AK9: variants seen among roughly 807,000 people sequenced by gnomAD.
AK9 encodes the protein adenylate kinase 9.
A neutral mutation model predicts 239.6 loss-of-function variants in AK9; 191 were observed. The ratio of observed to expected loss-of-function variants is 0.80; its 90% confidence interval spans 0.71 to 0.90. The LOEUF (loss-of-function observed/expected upper bound fraction) is 0.90, where lower values mean the gene tolerates loss of function less well. AK9 is among the 40% of genes least tolerant of loss of function. The pLI, the probability that AK9 is intolerant of heterozygous loss-of-function variation, is 0.00. For missense variants in AK9, 1,995 were observed against 2,214.7 expected, an observed-to-expected ratio of 0.90 and a Z score of 1.99; for synonymous variants, 689 against 721.0, an observed-to-expected ratio of 0.96 and a Z score of 0.71.
intron 1 of AK9, among the ~76,000 whole-genome samples, chr6:109,680,694 G>A (rs992817805): frequency 6.6e-6 from 1 of 152,140 alleles, no homozygotes; most frequent in African/African-American, 2.4e-5. Flanking sequence ...AATGTTAAGG[G>A]TAGCCAGAGA....
chr6:109,533,506 A>G lies in AK9; in HGVS notation c.3351-36T>C, dbSNP rs761575739. 3.3e-6 allele frequency: 5 copies of G among 1,506,528 alleles called. No homozygotes were observed. In the Admixed American group the frequency reaches 1.1e-4, roughly 32 times the overall value. The allele number at this position is 1,506,528 out of a possible 1,614,324, so 93.3% of individuals were successfully genotyped here. On this transcript the variant is annotated intron_variant, in intron 27 of 40. Coordinates refer to ENST00000424296, the MANE Select transcript of AK9 (RefSeq NM_001145128.3). ...TTTTCATAATTTACTTTATTTCATTAAAATGTTGTAATGGATGTGTTCATT... is the reference window on the plus strand; with the variant it reads ...TTTTCATAATTTACTTTATTTCATTGAAATGTTGTAATGGATGTGTTCATT...
intron 8 of AK9, among the ~76,000 whole-genome samples, chr6:109,646,763 G>C (rs191306808): frequency 1.3e-5 from 2 of 152,144 alleles, no homozygotes; most frequent in Non-Finnish European, 2.9e-5. Context: ...TCCTTGAGAA[G>C]AGCAACCCCA....
chr6:109,605,185 C>T (rs1279042369), intron 17 of AK9, among the ~76,000 whole-genome samples: 1 of 152,048 alleles, frequency 6.6e-6, no homozygotes, highest in African/African-American at 2.4e-5. Flanking sequence ...CAAGTAGTCC[C>T]AGCTTCTTGA....
At chr6:109,553,300 G>C (rs995838056) in intron 24 of AK9, among the ~76,000 whole-genome samples, 1 of 152,134 alleles carries the variant, frequency 6.6e-6, no homozygotes, top group African/African-American at 2.4e-5. Context: ...GGGTAGTATG[G>C]CCATTTTCAT....
intron 10 of AK9, among the ~76,000 whole-genome samples, 166 bp downstream of exon 10, chr6:109,641,352 T>TCTTTC (rs201487889): frequency 7.7e-6 from 1 of 129,552 alleles, no homozygotes; most frequent in Non-Finnish European, 1.6e-5. Flanking sequence ...TTTCTTTCTT[T>TCTTTC]TTTTTTTTTT....
intron 5 of AK9, among the ~76,000 whole-genome samples, chr6:109,669,633 C>T (rs1431823075): frequency 2.0e-5 from 3 of 152,200 alleles, no homozygotes; most frequent in Non-Finnish European, 4.4e-5. Flanking sequence ...TTTTCTGCAT[C>T]TATTGACCTA....
intron 5 of AK9, among the ~76,000 whole-genome samples, chr6:109,666,923 G>A (rs1801279749): frequency 6.6e-6 from 1 of 152,204 alleles, no homozygotes; most frequent in African/African-American, 2.4e-5. Flanking sequence ...GGCAGGGAAT[G>A]CCCAGACTGG....
chr6:109,585,729 C>T (rs770500014), intron 18 of AK9, among the ~76,000 whole-genome samples, 187 bp downstream of exon 18: 14 of 152,078 alleles, frequency 9.2e-5, no homozygotes, highest in Non-Finnish European at 1.3e-4. Flanking sequence ...TTCAACCATC[C>T]GGCACTTATT....
intron 21 of AK9, among the ~76,000 whole-genome samples, chr6:109,572,502 G>A (rs147177616): frequency 9.0e-4 from 137 of 152,298 alleles, no homozygotes; most frequent in African/African-American, 3.2e-3. Flanking sequence ...CTGGAGAGAA[G>A]TACAGGAGGA....
intron 20 of AK9, among the ~76,000 whole-genome samples, chr6:109,575,921 C>T (rs1278215634): frequency 6.6e-6 from 1 of 152,022 alleles, no homozygotes; most frequent in Non-Finnish European, 1.5e-5. Flanking sequence ...AATAGGGTGT[C>T]CTTTCTCCAT....
chr6:109,558,767 G>A (rs1442907188), intron 24 of AK9, among the ~76,000 whole-genome samples: 1 of 152,068 alleles, frequency 6.6e-6, no homozygotes, highest in Non-Finnish European at 1.5e-5. Flanking sequence ...CAAACAGTCT[G>A]CTGGGTTTTT....
chr6:109,631,357 TA>T (rs1463779344), intron 12 of AK9, among the ~76,000 whole-genome samples: 3 of 151,578 alleles, frequency 2.0e-5, no homozygotes, highest in Non-Finnish European at 4.4e-5. Context: ...AAAACACAAC[TA>T]AAAATGGGCA....
At chr6:109,678,802 G>C (rs1315096459) in intron 1 of AK9, among the ~76,000 whole-genome samples, 3 of 152,180 alleles carry the variant, frequency 2.0e-5, no homozygotes, top group Admixed American at 6.5e-5. Flanking sequence ...GCAGCTCATG[G>C]AGGGTAAGCT....
intron 29 of AK9, chr6:109,528,640 T>TCAGC (rs1305353111): frequency 2.2e-6 from 1 of 462,098 alleles, no homozygotes; most frequent in Admixed American, 2.3e-5. Context: ...CTGTACAATA[T>TCAGC]CAGCAGTCCT....
chr6:109,551,807 G>A (rs757897985), intron 24 of AK9, among the ~76,000 whole-genome samples: 1 of 149,936 alleles, frequency 6.7e-6, no homozygotes, highest in African/African-American at 2.4e-5. Context: ...AGAACGTGCA[G>A]GTTTGTTACA....
chr6:109,529,864 A>G (rs1781005557), intron 28 of AK9, among the ~76,000 whole-genome samples: 1 of 152,148 alleles, frequency 6.6e-6, no homozygotes, highest in Non-Finnish European at 1.5e-5. Context: ...GTAAATACAG[A>G]TGAAGCTTCA....
chr6:109,564,556 A>T (rs566643957), intron 22 of AK9, among the ~76,000 whole-genome samples, 200 bp downstream of exon 22: 1 of 143,714 alleles, frequency 7.0e-6, no homozygotes, highest in Admixed American at 7.1e-5. Flanking sequence ...TGTATAAAAC[A>T]AATTTGTGTA....
At chr6:109,574,413 G>T (rs1200768191) in intron 20 of AK9, among the ~76,000 whole-genome samples, 1 of 151,684 alleles carries the variant, frequency 6.6e-6, no homozygotes, top group Non-Finnish European at 1.5e-5. Context: ...ACTAGTAGCC[G>T]GTTTAATAAC....
intron 12 of AK9, among the ~76,000 whole-genome samples, chr6:109,626,988 T>C (rs1208402191): frequency 6.6e-6 from 1 of 152,066 alleles, no homozygotes; most frequent in African/African-American, 2.4e-5. Flanking sequence ...TATTATAGCT[T>C]TTTTACTTTA....
Sources: allele counts gnomAD v4.1 joint callset (sites outside exome capture counted in the v4.1 genomes callset), GRCh38; gene constraint gnomAD v4.1.1; transcripts MANE v1.5; gene names NCBI Gene and HGNC (gene_info 2026-07-23, HGNC 2026-07-21).